Variants in SRL observed in about 807,000 individuals in gnomAD.
The protein encoded by SRL is sarcalumenin.
A neutral mutation model predicts 39.5 loss-of-function variants in SRL; 23 were observed. That is an observed-to-expected ratio of 0.58 (90% CI 0.42 to 0.82). The LOEUF (loss-of-function observed/expected upper bound fraction) is 0.82. Ranked by LOEUF, SRL falls within the 40% of genes least tolerant of loss-of-function variation. The pLI is 0.00. For synonymous variants in SRL, 272 were observed against 237.4 expected (o/e 1.15, Z -1.34); for missense variants, 592 against 607.8 (o/e 0.97, Z 0.27).
At chr16:4,239,327 G>C (rs949556864) in intron 1 of SRL, among the ~76,000 whole-genome samples, 9 of 152,238 alleles carry the variant, frequency 5.9e-5, no homozygotes. Flanking sequence ...GGGTGGCCGG[G>C]TGGGGCCAGG....
Position 4,235,812 on chromosome 16 carries a change from G to A in SRL, c.61+6195C>T, listed in dbSNP as rs1044765421. Among the ~76,000 whole-genome samples the A allele has an allele frequency of 1.6e-4, 25 of 152,316 alleles. 3 individuals are homozygous for A. Among genetic ancestry groups the A allele is most frequent in the African/African-American group, 2.9e-4 (12 of 41,558 alleles). On this transcript the variant is annotated intron_variant, in intron 1 of 5. Coordinates refer to ENST00000399609, the MANE Select transcript of SRL (RefSeq NM_001098814.2). ...CACTTAAAAAAGCTAGCCCTGGGCC[G>A]GGCACGGTGGCTCACGCCTGTAATC...
chr16:4,235,739 C>CA (rs2052707416), intron 1 of SRL, among the ~76,000 whole-genome samples: 1 of 152,116 alleles, frequency 6.6e-6, no homozygotes, highest in Admixed American at 6.5e-5. Flanking sequence ...GAGAGGACTA[C>CA]AGTCATCATC....
At chr16:4,217,987 C>G (rs1247343400) in intron 1 of SRL, among the ~76,000 whole-genome samples, 1 of 152,128 alleles carries the variant, frequency 6.6e-6, no homozygotes, top group African/African-American at 2.4e-5. Context: ...TGCAGGGTGC[C>G]TGGGGGTGAG....
At chr16:4,207,684 A>C (rs1254359788) in intron 1 of SRL, 1 of 422,144 alleles carries the variant, frequency 2.4e-6, no homozygotes, top group East Asian at 7.0e-5. Context: ...GGGGAGCCCA[A>C]ACCCAGTCTC....
At position 4,204,419 on chromosome 16, in the gene SRL, G is replaced by A. The variant is rs763826794; in HGVS notation, c.163+114C>T. On this transcript the variant is annotated intron_variant, in intron 2 of 5. Coordinates refer to ENST00000399609, the MANE Select transcript of SRL (RefSeq NM_001098814.2). Reference sequence around the variant, plus strand: ...CAGCCTCCAAGATAGATACAGCCCCGGCCTCCAAGATACAGCCCCGGCACG... The same window carrying A: ...CAGCCTCCAAGATAGATACAGCCCCAGCCTCCAAGATACAGCCCCGGCACG... 865 of 943,916 alleles carry A rather than the reference G, an allele frequency of 9.2e-4. 9 individuals are homozygous for A. Among genetic ancestry groups the A allele is most frequent in the Non-Finnish European group, 1.3e-3 (757 of 599,496 alleles). 58.5% of individuals were successfully genotyped at this position (943,916 alleles called of 1,614,324 possible). A position where few individuals can be genotyped will look rare whatever the true frequency, so the allele number is the denominator to read the frequency against.
intron 1 of SRL, among the ~76,000 whole-genome samples, chr16:4,239,984 C>A (rs572741823): frequency 6.6e-6 from 1 of 152,156 alleles, no homozygotes; most frequent in African/African-American, 2.4e-5. Flanking sequence ...GGCATGGGCA[C>A]GGGCGACGGG....
chr16:4,231,727 G>C (rs959873283), intron 1 of SRL, among the ~76,000 whole-genome samples: 9 of 152,168 alleles, frequency 5.9e-5, no homozygotes, highest in Admixed American at 2.0e-4. Flanking sequence ...GAGCAGGGGA[G>C]GCGTGTTGAT....
chr16:4,226,613 G>A (rs2052592303), intron 1 of SRL, among the ~76,000 whole-genome samples: 1 of 151,940 alleles, frequency 6.6e-6, no homozygotes, highest in Non-Finnish European at 1.5e-5. Context: ...ATAAATACAT[G>A]AATAGATAAA....
intron 1 of SRL, among the ~76,000 whole-genome samples, chr16:4,219,435 G>A (rs1309083094): frequency 2.6e-5 from 4 of 152,136 alleles, no homozygotes; most frequent in African/African-American, 9.7e-5. Flanking sequence ...GGCAGCCACA[G>A]TAGTGTCAGG....
intron 1 of SRL, among the ~76,000 whole-genome samples, chr16:4,212,476 C>T (rs76794539): frequency 0.026 from 3,890 of 152,266 alleles, 154 homozygotes; most frequent in African/African-American, 0.085. Flanking sequence ...GGTGTCTTTC[C>T]CACCTCCCTT....
At chr16:4,233,608 A>T (rs556363009) in intron 1 of SRL, among the ~76,000 whole-genome samples, 1 of 151,884 alleles carries the variant, frequency 6.6e-6, no homozygotes, top group Non-Finnish European at 1.5e-5. Flanking sequence ...CATCTCCCCA[A>T]ATAGAAGGTC....
chr16:4,203,027 A>C, intron 3 of SRL, 139 bp downstream of exon 3: 1 of 734,112 alleles, frequency 1.4e-6, no homozygotes, highest in Non-Finnish European at 2.3e-6. Flanking sequence ...CAGACCCACA[A>C]GTCCTTGCAC....
intron 1 of SRL, among the ~76,000 whole-genome samples, chr16:4,226,236 A>C (rs905742681): frequency 1.3e-5 from 2 of 152,208 alleles, no homozygotes; most frequent in Non-Finnish European, 2.9e-5. Flanking sequence ...CCTGTCTGTC[A>C]GGGATTGTGT....
chr16:4,224,160 G>A (rs943601538), intron 1 of SRL, among the ~76,000 whole-genome samples: 1 of 152,098 alleles, frequency 6.6e-6, no homozygotes, highest in Non-Finnish European at 1.5e-5. Context: ...AGAGAGAGGA[G>A]TAGAAAGATC....
chr16:4,242,008 T>C lies in SRL; in HGVS notation c.60A>G (p.Ala20=). Residue 20 remains alanine (A), a splice_region_variant and synonymous_variant, in exon 1 of 6, where the codon GCA becomes GCG. Transcript: ENST00000399609. The part of the protein sequence containing the change: ...LLASLLFSGQ[A]EETEDANEEA... ...GGGTCATGCTGGGAGGGGCCCTACC[T>C]GCTTGTCCTGAGAACAGGAGCGAGG... The C allele has an allele frequency of 6.2e-7, 1 of 1,613,748 alleles. No individual in the cohort carries two copies. Among genetic ancestry groups the C allele is most frequent in the Non-Finnish European group, 8.5e-7 (1 of 1,179,938 alleles).
At chr16:4,227,609 C>T (rs1009076076) in intron 1 of SRL, among the ~76,000 whole-genome samples, 9 of 151,968 alleles carry the variant, frequency 5.9e-5, no homozygotes, top group Admixed American at 3.9e-4. Context: ...ATGGATGGAT[C>T]GATGGTGGTG....
chr16:4,215,680 C>G (rs2052451123), intron 1 of SRL, among the ~76,000 whole-genome samples: 1 of 152,150 alleles, frequency 6.6e-6, no homozygotes, highest in South Asian at 2.1e-4. Context: ...CTCTTCTACT[C>G]TTCAATAACA....
At chr16:4,218,303 T>C (rs1011215783) in intron 1 of SRL, among the ~76,000 whole-genome samples, 1 of 152,104 alleles carries the variant, frequency 6.6e-6, no homozygotes, top group Non-Finnish European at 1.5e-5. Context: ...TTTCTGAGAA[T>C]GGGAGGGAAG....
chr16:4,206,228 G>A (rs766729607), intron 1 of SRL, among the ~76,000 whole-genome samples: 2 of 152,234 alleles, frequency 1.3e-5, no homozygotes, highest in African/African-American at 4.8e-5. Context: ...AGTCAACAGC[G>A]GTCACAGCCT....
Sources: allele counts gnomAD v4.1 joint callset (sites outside exome capture counted in the v4.1 genomes callset), GRCh38; gene constraint gnomAD v4.1.1; transcripts MANE v1.5; gene names NCBI Gene and HGNC (gene_info 2026-07-23, HGNC 2026-07-21).